SORCS3: variants seen among roughly 807,000 people sequenced by gnomAD.
SORCS3 encodes VPS10 domain-containing receptor SorCS3.
Under a neutral mutation model 146.3 loss-of-function variants are expected in SORCS3, and 57 were observed. That is an observed-to-expected ratio of 0.39 (90% confidence interval 0.31 to 0.49). SORCS3 has a LOEUF of 0.49. Ranked by LOEUF, SORCS3 falls within the 20% of genes least tolerant of loss-of-function variation. SORCS3 has a pLI of 0.92. For missense variants in SORCS3, 1,341 were observed against 1,575.5 expected, an observed-to-expected ratio of 0.85 and a Z score of 2.52; for synonymous variants, 653 against 618.5, an observed-to-expected ratio of 1.06 and a Z score of -0.83.
chr10:104,662,651 C>T (rs865843610), intron 1 of SORCS3, among the ~76,000 whole-genome samples: 1 of 152,184 alleles, frequency 6.6e-6, no homozygotes. Context: ...GGCCTTTTTG[C>T]AATTAGACTG....
intron 5 of SORCS3, among the ~76,000 whole-genome samples, chr10:105,051,902 A>G (rs1299815484): frequency 6.6e-6 from 1 of 152,172 alleles, no homozygotes; most frequent in African/African-American, 2.4e-5. Context: ...GTGAAAGCTC[A>G]GCTTGCAAGC....
At chr10:105,020,840 A>G (rs2055193793) in intron 4 of SORCS3, among the ~76,000 whole-genome samples, 1 of 152,196 alleles carries the variant, frequency 6.6e-6, no homozygotes, top group Non-Finnish European at 1.5e-5. Context: ...GGGATACCAC[A>G]TCACATGTCA....
intron 3 of SORCS3, among the ~76,000 whole-genome samples, chr10:104,925,251 A>AT (rs1446854541): frequency 7.2e-5 from 11 of 152,174 alleles, no homozygotes; most frequent in Non-Finnish European, 1.6e-4. Flanking sequence ...AAATGCTTTA[A>AT]TTTTTAACTG....
intron 7 of SORCS3, among the ~76,000 whole-genome samples, chr10:105,128,921 A>G (rs2055995607): frequency 6.6e-6 from 1 of 152,172 alleles, no homozygotes; most frequent in Admixed American, 6.6e-5. Flanking sequence ...AACTACAACT[A>G]GTTCCTTTTT....
At chr10:104,740,094 C>T (rs2016823187) in intron 1 of SORCS3, among the ~76,000 whole-genome samples, 1 of 152,164 alleles carries the variant, frequency 6.6e-6, no homozygotes, top group Non-Finnish European at 1.5e-5. Context: ...ATGATTAAAA[C>T]ATGCAAAAAG....
chr10:104,957,988 A>C (rs557312582), intron 3 of SORCS3, among the ~76,000 whole-genome samples: 29 of 152,266 alleles, frequency 1.9e-4, no homozygotes, highest in Admixed American at 1.8e-3. Context: ...TGATCCCATA[A>C]AAGTAGGATG....
chr10:104,945,235 T>C (rs563056734), intron 3 of SORCS3, among the ~76,000 whole-genome samples: 1 of 148,176 alleles, frequency 6.7e-6, no homozygotes, highest in East Asian at 2.0e-4. Flanking sequence ...TTGCTAATTT[T>C]CTGTTTTGTT....
At chr10:104,778,986 T>G (rs2017343143) in intron 1 of SORCS3, among the ~76,000 whole-genome samples, 1 of 152,124 alleles carries the variant, frequency 6.6e-6, no homozygotes, top group African/African-American at 2.4e-5. Flanking sequence ...GGATTATCTG[T>G]GTGGGCCTGA....
intron 5 of SORCS3, among the ~76,000 whole-genome samples, chr10:105,048,675 T>G (rs762888220): frequency 6.6e-6 from 1 of 151,884 alleles, no homozygotes; most frequent in Admixed American, 6.6e-5. Context: ...CCCTAAAACT[T>G]AAAGTATAAT....
intron 5 of SORCS3, among the ~76,000 whole-genome samples, chr10:105,078,390 C>T (rs1487375669): frequency 2.6e-5 from 4 of 152,022 alleles, no homozygotes; most frequent in Non-Finnish European, 4.4e-5. Context: ...AGACAAAAAT[C>T]AGGTGTACAA....
intron 5 of SORCS3, among the ~76,000 whole-genome samples, chr10:105,085,658 G>T (rs1274649024): frequency 6.6e-6 from 1 of 152,162 alleles, no homozygotes; most frequent in Non-Finnish European, 1.5e-5. Context: ...ACAAACAAAG[G>T]CACCCTATGG....
intron 2 of SORCS3, among the ~76,000 whole-genome samples, chr10:104,905,259 G>A (rs1038716396): frequency 2.0e-5 from 3 of 152,166 alleles, no homozygotes; most frequent in East Asian, 3.8e-4. Flanking sequence ...GACCCAAAAC[G>A]AGATGAAGTT....
intron 23 of SORCS3, among the ~76,000 whole-genome samples, chr10:105,254,321 A>C (rs2056918058): frequency 6.6e-6 from 1 of 152,158 alleles, no homozygotes; most frequent in Non-Finnish European, 1.5e-5. Context: ...CTTTCATTGG[A>C]ACCCATAACA....
At chr10:105,136,132 A>C (rs149942825) in intron 7 of SORCS3, among the ~76,000 whole-genome samples, 2 of 152,302 alleles carry the variant, frequency 1.3e-5, no homozygotes, top group African/African-American at 4.8e-5. Context: ...GTCTCAGACC[A>C]TTTCTGCTAC....
At chr10:105,216,093 C>T (rs531378225) in intron 18 of SORCS3, among the ~76,000 whole-genome samples, 1 of 152,108 alleles carries the variant, frequency 6.6e-6, no homozygotes, top group South Asian at 2.1e-4. Flanking sequence ...ATCATGTTAC[C>T]AGGTAGTACA....
intron 20 of SORCS3, among the ~76,000 whole-genome samples, chr10:105,243,465 G>A (rs1211788359): frequency 1.3e-5 from 2 of 152,024 alleles, no homozygotes; most frequent in Non-Finnish European, 2.9e-5. Context: ...AGCCCAGCTT[G>A]ACTTCATCTC....
chr10:104,654,546 T>C (rs1051809637), intron 1 of SORCS3, among the ~76,000 whole-genome samples: 1 of 152,232 alleles, frequency 6.6e-6, no homozygotes, highest in African/African-American at 2.4e-5. Context: ...TGCATTTCTC[T>C]GATGATCAGG....
intron 4 of SORCS3, among the ~76,000 whole-genome samples, chr10:105,016,610 G>T (rs2055169950): frequency 6.6e-6 from 1 of 152,040 alleles, no homozygotes; most frequent in Non-Finnish European, 1.5e-5. Flanking sequence ...TTTTATAACG[G>T]TATCTATTTC....
intron 1 of SORCS3, among the ~76,000 whole-genome samples, chr10:104,765,844 T>C (rs2017173774): frequency 6.6e-6 from 1 of 152,156 alleles, no homozygotes; most frequent in South Asian, 2.1e-4. Flanking sequence ...TAAGTGCAGT[T>C]CCCAAGGTCA....
Sources: gnomAD v4.1 joint callset for allele counts (sites outside exome capture counted in the v4.1 genomes callset) on GRCh38, gnomAD v4.1.1 for gene constraint, MANE v1.5 for transcripts, NCBI Gene and HGNC (gene_info 2026-07-23, HGNC 2026-07-21) for gene names.